Variants in SYN3 observed in about 807,000 individuals in gnomAD.
SYN3 encodes synapsin-3.
SYN3 carries 35 observed loss-of-function variants against 65.8 expected under a neutral mutation model. The observed-to-expected ratio is 0.53, with a 90% CI of 0.41 to 0.70. The LOEUF (loss-of-function observed/expected upper bound fraction) is 0.70. Ranked by LOEUF, SYN3 falls within the 30% of genes least tolerant of loss-of-function variation. The pLI, the probability that SYN3 is intolerant of heterozygous loss-of-function variation, is 0.00. For missense variants in SYN3, 680 were observed against 749.0 expected (o/e 0.91, Z 1.08); for synonymous variants, 270 against 292.9 (o/e 0.92, Z 0.80).
chr22:32,809,373 T>C (rs768282788), intron 6 of SYN3, among the ~76,000 whole-genome samples: 7 of 152,202 alleles, frequency 4.6e-5, no homozygotes, highest in Non-Finnish European at 1.0e-4. Flanking sequence ...TCAGTCTGCT[T>C]ATCTTTGGTT....
At chr22:32,887,492 C>A (rs1204656361) in intron 4 of SYN3, among the ~76,000 whole-genome samples, 1 of 152,180 alleles carries the variant, frequency 6.6e-6, no homozygotes, top group East Asian at 1.9e-4. Flanking sequence ...CCCAAGCGAG[C>A]TTGGAAGTGG....
At chr22:32,957,842 G>C (rs541576620) in intron 3 of SYN3, among the ~76,000 whole-genome samples, 13 of 152,236 alleles carry the variant, frequency 8.5e-5, no homozygotes, top group East Asian at 3.9e-4. Flanking sequence ...GTTTCTAAAG[G>C]CTGAATTCCT....
At chr22:32,997,682 A>G (rs1342139069) in intron 2 of SYN3, among the ~76,000 whole-genome samples, 3 of 152,098 alleles carry the variant, frequency 2.0e-5, no homozygotes, top group East Asian at 3.9e-4. Flanking sequence ...ACAACAGCCA[A>G]TGTGATTTTC....
chr22:32,672,678 G>A (rs959916150), intron 6 of SYN3, among the ~76,000 whole-genome samples: 3 of 152,192 alleles, frequency 2.0e-5, no homozygotes, highest in Admixed American at 6.5e-5. Context: ...ACCTTCCTGC[G>A]TGGGAACCCA....
chr22:32,677,628 C>T (rs1216481375), intron 6 of SYN3, among the ~76,000 whole-genome samples: 10 of 151,982 alleles, frequency 6.6e-5, no homozygotes, highest in African/African-American at 1.7e-4. Flanking sequence ...GAAACTCCAT[C>T]TCTACTAAAA....
At chr22:32,887,761 G>A (rs895766423) in intron 4 of SYN3, among the ~76,000 whole-genome samples, 2 of 152,296 alleles carry the variant, frequency 1.3e-5, no homozygotes, top group African/African-American at 4.8e-5. Flanking sequence ...GAGTTGACAG[G>A]CATTTGGGTT....
intron 4 of SYN3, among the ~76,000 whole-genome samples, chr22:32,893,276 G>A (rs1017493568): frequency 1.3e-5 from 2 of 152,158 alleles, no homozygotes; most frequent in African/African-American, 4.8e-5. Context: ...GGATTAATTG[G>A]ATACCTGGCA....
intron 4 of SYN3, among the ~76,000 whole-genome samples, chr22:32,910,897 T>A (rs1221128040): frequency 6.6e-6 from 1 of 152,048 alleles, no homozygotes; most frequent in East Asian, 1.9e-4. Context: ...ATTTCACAGG[T>A]GAGGAAGCTG....
chr22:32,593,472 A>T (rs2059155417), intron 7 of SYN3, among the ~76,000 whole-genome samples: 1 of 152,196 alleles, frequency 6.6e-6, no homozygotes, highest in South Asian at 2.1e-4. Flanking sequence ...AGAAACATTA[A>T]CAAGGGGCAA....
At chr22:33,028,141 G>C (rs1180728098) in intron 1 of SYN3, among the ~76,000 whole-genome samples, 1 of 152,160 alleles carries the variant, frequency 6.6e-6, no homozygotes, top group African/African-American at 2.4e-5. Context: ...ATCAGAAGCA[G>C]ACAAGGACAG....
chr22:32,764,837 C>G (rs1319474646), intron 6 of SYN3, among the ~76,000 whole-genome samples: 1 of 152,182 alleles, frequency 6.6e-6, no homozygotes, highest in Non-Finnish European at 1.5e-5. Context: ...AATGGCAAGC[C>G]TCTGCCATCT....
At chr22:32,814,838 G>T (rs1247849136) in intron 6 of SYN3, among the ~76,000 whole-genome samples, 1 of 152,116 alleles carries the variant, frequency 6.6e-6, no homozygotes, top group Non-Finnish European at 1.5e-5. Flanking sequence ...CAGGATTGTG[G>T]CTACACGTGA....
intron 6 of SYN3, among the ~76,000 whole-genome samples, chr22:32,684,535 C>G (rs2060565436): frequency 1.3e-5 from 2 of 152,192 alleles, no homozygotes; most frequent in African/African-American, 4.8e-5. Flanking sequence ...AAAACAGCAA[C>G]CACATCATTG....
At chr22:32,785,408 C>T (rs1053640044) in intron 6 of SYN3, among the ~76,000 whole-genome samples, 3 of 152,246 alleles carry the variant, frequency 2.0e-5, no homozygotes, top group African/African-American at 7.2e-5. Flanking sequence ...TTGTTCTTGG[C>T]CAAAGGGATC....
chr22:32,971,706 A>G (rs2052026735), intron 3 of SYN3, among the ~76,000 whole-genome samples: 1 of 152,202 alleles, frequency 6.6e-6, no homozygotes, highest in Non-Finnish European at 1.5e-5. Flanking sequence ...CCTCTATGGA[A>G]AGTAATTTTG....
At chr22:32,991,441 A>G (rs2052715088) in intron 2 of SYN3, among the ~76,000 whole-genome samples, 2 of 151,986 alleles carry the variant, frequency 1.3e-5, no homozygotes, top group African/African-American at 4.8e-5. Flanking sequence ...ACTCGACAAC[A>G]CCAGGCCCTT....
At chr22:32,798,541 T>C (rs1038894967) in intron 6 of SYN3, among the ~76,000 whole-genome samples, 1 of 152,088 alleles carries the variant, frequency 6.6e-6, no homozygotes, top group African/African-American at 2.4e-5. Flanking sequence ...CTAGAAAAGT[T>C]CCAGGAAAGA....
At chr22:32,528,811 C>T (rs1336082439) in intron 11 of SYN3, 63 bp downstream of exon 11, 3 of 1,603,528 alleles carry the variant, frequency 1.9e-6, no homozygotes, top group African/African-American at 2.7e-5. Flanking sequence ...AGGGGCTCCC[C>T]ATTTCCAGAC....
intron 3 of SYN3, among the ~76,000 whole-genome samples, chr22:32,944,542 C>G (rs1482108520): frequency 2.6e-5 from 4 of 152,102 alleles, no homozygotes; most frequent in African/African-American, 9.7e-5. Flanking sequence ...TGGGATGTAT[C>G]TCAAAATAAT....
Sources: gnomAD v4.1 joint callset for allele counts (sites outside exome capture counted in the v4.1 genomes callset) on GRCh38, gnomAD v4.1.1 for gene constraint, MANE v1.5 for transcripts, NCBI Gene and HGNC (gene_info 2026-07-23, HGNC 2026-07-21) for gene names.